The following MOV10L1 variants were observed in gnomAD, a reference collection of about 807,000 sequenced individuals.
MOV10L1 encodes the protein RNA helicase Mov10l1.
In MOV10L1, 110 loss-of-function variants were observed where a neutral mutation model predicts 143.8. That is an observed-to-expected ratio of 0.76 (90% CI 0.66 to 0.90). The LOEUF is 0.90. MOV10L1 is among the 40% of genes least tolerant of loss of function. MOV10L1 has a pLI of 0.00. For synonymous variants in MOV10L1, 593 were observed against 581.1 expected (o/e 1.02, Z -0.29); for missense variants, 1,406 against 1,526.8 (o/e 0.92, Z 1.32).
chr22:50,132,980 G>A (rs961564318), intron 13 of MOV10L1, among the ~76,000 whole-genome samples: 2 of 151,866 alleles, frequency 1.3e-5, no homozygotes, highest in Admixed American at 6.6e-5. Context: ...AGGTTGCAGT[G>A]AGCCGAGATC....
chr22:50,134,453 A>T (rs2062764870), intron 14 of MOV10L1, 77 bp from the exon 15 acceptor site: 5 of 1,155,730 alleles, frequency 4.3e-6, no homozygotes, highest in Non-Finnish European at 6.4e-6. Context: ...CTTTAGGGTC[A>T]GCCATAAACA....
chr22:50,141,587 G>A (rs949522405), intron 15 of MOV10L1, among the ~76,000 whole-genome samples: 32 of 150,656 alleles, frequency 2.1e-4, no homozygotes, highest in African/African-American at 7.1e-4. Flanking sequence ...TGATCCACCT[G>A]TCTTGGCCTC....
chr22:50,093,647 C>T (rs1251893434), intron 2 of MOV10L1: 1 of 152,044 alleles, frequency 6.6e-6, no homozygotes, highest in Non-Finnish European at 1.5e-5. Context: ...TAACTGGGAC[C>T]ACAGGTGTAC....
chr22:50,129,706 G>A (rs2147253167), intron 13 of MOV10L1, among the ~76,000 whole-genome samples: 1 of 152,222 alleles, frequency 6.6e-6, no homozygotes, highest in African/African-American at 2.4e-5. Context: ...ATCTGATTTT[G>A]TTCGACTTCC....
chr22:50,110,344 G>T (rs11704211), intron 5 of MOV10L1, among the ~76,000 whole-genome samples: 33,714 of 151,076 alleles, frequency 0.22, 4,076 homozygotes, highest in Admixed American at 0.35. Context: ...AGCTACTCGG[G>T]AGGCTGAGGC....
At chr22:50,138,004 A>G (rs555048907) in intron 15 of MOV10L1, among the ~76,000 whole-genome samples, 55 of 152,066 alleles carry the variant, frequency 3.6e-4, no homozygotes, top group Admixed American at 1.0e-3. Context: ...GTAATATACC[A>G]TATTAACAAA....
chr22:50,161,407 G>A lies in MOV10L1; in HGVS notation c.3594G>A (p.Val1198=). 1 of 1,601,568 alleles carries A rather than the reference G, an allele frequency of 6.2e-7. No homozygotes were observed. The highest frequency in any genetic ancestry group is 1.1e-5 in the South Asian group (1 of 88,832). ...TGGCAGACCCCTCCTACCCAGTGGT[G>A]CCAGAATCCACAGGACCAGAGAAGC... ...EGVADPSYPV[V]PESTGPEKHQ... Residue 1198 remains valine, a synonymous_variant, in exon 27 of 27, where the codon GTG becomes GTA. Coordinates refer to ENST00000262794, the MANE Select transcript of MOV10L1 (RefSeq NM_018995.3).
chr22:50,104,876 C>G (rs2061829878), intron 3 of MOV10L1, among the ~76,000 whole-genome samples: 1 of 147,228 alleles, frequency 6.8e-6, no homozygotes, highest in South Asian at 2.1e-4. Flanking sequence ...TTGTAAACAC[C>G]TTTGATTGAG....
chr22:50,114,317 T>A, intron 6 of MOV10L1, 64 bp from the exon 7 acceptor site: 1 of 1,568,612 alleles, frequency 6.4e-7, no homozygotes. Flanking sequence ...TTGTGTTTTA[T>A]GATAACTGAA....
intron 3 of MOV10L1, among the ~76,000 whole-genome samples, chr22:50,107,623 C>T (rs1261386278): frequency 3.3e-5 from 5 of 152,204 alleles, no homozygotes; most frequent in Admixed American, 6.5e-5. Flanking sequence ...GTCACTGAAC[C>T]TGCAGTTTTC....
intron 15 of MOV10L1, among the ~76,000 whole-genome samples, chr22:50,140,865 G>A (rs1414708381): frequency 6.6e-6 from 1 of 151,820 alleles, no homozygotes; most frequent in Non-Finnish European, 1.5e-5. Context: ...TCAGATTATA[G>A]GTGTGAACCA....
In MOV10L1 at chr22:50,134,694, A is replaced by G. The variant is rs553461602; in HGVS notation, c.2070+64A>G. 296 of 1,440,562 alleles carry G rather than the reference A, an allele frequency of 2.1e-4. 3 individuals carry two copies. In the African/African-American group the frequency reaches 3.0e-3, roughly 15 times the overall value. The allele number at this position is 1,440,562 out of a possible 1,614,324, so 89.2% of individuals were successfully genotyped here. ...GGCTCAGCGACGTGGCTGTCTTTAC[A>G]TAGGGGGTGGCTCAGCGGCGTGACT... On this transcript the variant is annotated intron_variant, in intron 15 of 26. Transcript: ENST00000262794.
rs542018585 is a variant in MOV10L1, at chr22:50,119,914, C to T, written c.1455-588C>T. Among the ~76,000 whole-genome samples, 11 of 152,188 alleles carry T rather than the reference C, an allele frequency of 7.2e-5. No homozygotes were observed. The South Asian group carries it at 1.0e-3, about 14-fold the overall frequency. ...TTTTATCGACCTCACTCTGACTTTT[C>T]GTTTCCCTGTTCTCTCCTGGCTTCT... On this transcript the variant is annotated intron_variant, in intron 9 of 26. Transcript: ENST00000262794.
chr22:50,156,338 A>G (rs563995279), intron 22 of MOV10L1, among the ~76,000 whole-genome samples: 1 of 151,850 alleles, frequency 6.6e-6, no homozygotes, highest in Admixed American at 6.5e-5. Context: ...CTGGTCTCGA[A>G]CTCTTGACCT....
At chr22:50,140,879 C>T (rs1476358431) in intron 15 of MOV10L1, among the ~76,000 whole-genome samples, 1 of 152,068 alleles carries the variant, frequency 6.6e-6, no homozygotes, top group Non-Finnish European at 1.5e-5. Context: ...TGAACCACTA[C>T]CCCTGGCCCC....
chr22:50,136,495 A>G (rs62239264), intron 15 of MOV10L1, among the ~76,000 whole-genome samples: 35,670 of 152,224 alleles, frequency 0.23, 5,134 homozygotes, highest in Non-Finnish European at 0.33. Context: ...CAACAATTTC[A>G]GACATTAACA....
In MOV10L1 at chr22:50,144,234, G is replaced by A. The variant is rs1345015440; in HGVS notation, c.2496G>A (p.Arg832=). 1.2e-6 allele frequency: 2 copies of A among 1,601,238 alleles called. No individual in the cohort carries two copies. Among genetic ancestry groups the A allele is most frequent in the East Asian group, 2.2e-5 (1 of 44,524 alleles). The part of the protein sequence containing the change: ...ATMVRVNATC[R]FEEIVIDAVK... ...TGGTCCGGGTGAACGCCACCTGCAG[G>A]TTCGAGGAGGTGAGCCCTTGGTGCA... The change falls in exon 18 of 27, where the codon AGG becomes AGA. Residue 832 remains arginine, a synonymous_variant. Coordinates refer to ENST00000262794, the MANE Select transcript of MOV10L1 (RefSeq NM_018995.3).
At chr22:50,149,758 TCTC>T (rs2063246306) in intron 20 of MOV10L1, 44 bp downstream of exon 20, 1 of 1,539,622 alleles carries the variant, frequency 6.5e-7, no homozygotes, top group Non-Finnish European at 8.9e-7. Context: ...CTCACCCCGT[TCTC>T]CTGAGGGGAT....
intron 6 of MOV10L1, 121 bp downstream of exon 6, chr22:50,113,909 T>TTTA: frequency 7.5e-6 from 6 of 796,970 alleles, no homozygotes; most frequent in Non-Finnish European, 8.5e-6. Context: ...ATGAAGATCT[T>TTTA]TTCTTTTTTT....
Sources: allele counts gnomAD v4.1 joint callset (sites outside exome capture counted in the v4.1 genomes callset), GRCh38; gene constraint gnomAD v4.1.1; transcripts MANE v1.5; gene names NCBI Gene and HGNC (gene_info 2026-07-23, HGNC 2026-07-21).